Variants in SYNPO2L observed in about 807,000 individuals in gnomAD.
SYNPO2L encodes synaptopodin 2 like, also known as synaptopodin 2-like protein.
SYNPO2L carries 34 observed loss-of-function variants against 47.5 expected under a neutral mutation model. The observed-to-expected ratio is 0.72, with a 90% confidence interval of 0.54 to 0.95. The LOEUF (loss-of-function observed/expected upper bound fraction) is 0.95. SYNPO2L is among the 40% of genes least tolerant of loss of function. The pLI, the probability that SYNPO2L is intolerant of heterozygous loss-of-function variation, is 0.00. For synonymous variants in SYNPO2L, 536 were observed against 524.9 expected, an observed-to-expected ratio of 1.02 and a Z score of -0.29; for missense variants, 1,246 against 1,282.0, an observed-to-expected ratio of 0.97 and a Z score of 0.43.
At position 73,654,004 on chromosome 10, in the gene SYNPO2L, C is replaced by T. The variant is rs548276688; in HGVS notation, c.257+125G>A. The stretch of plus-strand genomic sequence containing the variant: ...AGGCAGACACAAACCATCTGCACTC[C>T]AGCAGAAACGCACGAGCAGAAATAG... On this transcript the variant is annotated intron_variant, in intron 2 of 3. Transcript: ENST00000394810. 10 of 1,283,036 alleles carry T rather than the reference C, an allele frequency of 7.8e-6. No homozygotes were observed. The East Asian group carries it at 2.6e-4, about 33-fold the overall frequency. 79.5% of individuals were successfully genotyped at this position (1,283,036 alleles called of 1,614,324 possible).
In SYNPO2L at chr10:73,644,936, A is replaced by T. The variant is rs905573780; in HGVS notation, c.*1782T>A. ...CACAAACCAAAGTATTGTGACTCAC[A>T]CCCAACAAGCAAAGGAAATTATCAC... On this transcript the variant is annotated 3_prime_UTR_variant, in exon 4 of 4. Transcript: ENST00000394810. 3 of 1,144,354 alleles carry T rather than the reference A, an allele frequency of 2.6e-6. No individual in the cohort carries two copies. Among genetic ancestry groups the T allele is most frequent in the Admixed American group, 4.2e-5 (1 of 23,810 alleles). The allele number at this position is 1,144,354 out of a possible 1,614,324, so 70.9% of individuals were successfully genotyped here.
Position 73,648,896 on chromosome 10 carries a change from G to A in SYNPO2L, c.773-17C>T. ...GTTGCAGTTCTGGGGAGGCCAAGAGGTAAAATGGTCAGGGGGGCTTCCCAG... is the reference window on the plus strand; with the variant it reads ...GTTGCAGTTCTGGGGAGGCCAAGAGATAAAATGGTCAGGGGGGCTTCCCAG... On this transcript the variant is annotated splice_polypyrimidine_tract_variant and intron_variant, in intron 3 of 3. Transcript: ENST00000394810. The A allele has an allele frequency of 6.7e-7, 1 of 1,492,266 alleles. No homozygotes were observed. The highest frequency in any genetic ancestry group is 8.9e-7 in the Non-Finnish European group (1 of 1,126,626). The allele number at this position is 1,492,266 out of a possible 1,614,324, so 92.4% of individuals were successfully genotyped here. A position where few individuals can be genotyped will look rare whatever the true frequency, so the allele number is the denominator to read the frequency against.
chr10:73,646,641 G>T lies in SYNPO2L; in HGVS notation c.*77C>A. ...AATTTAGCTTCCAGATGCGTGACAG[G>T]GGATGGGATAGGGTAGGAGAAGCAA... On this transcript the variant is annotated 3_prime_UTR_variant, in exon 4 of 4. Coordinates refer to ENST00000394810, the MANE Select transcript of SYNPO2L (RefSeq NM_001114133.3). The T allele has an allele frequency of 7.4e-7, 1 of 1,354,356 alleles. No homozygotes were observed. Among genetic ancestry groups the T allele is most frequent in the Non-Finnish European group, 9.6e-7 (1 of 1,046,210 alleles). The allele number at this position is 1,354,356 out of a possible 1,614,324, so 83.9% of individuals were successfully genotyped here. A position where few individuals can be genotyped will look rare whatever the true frequency, so the allele number is the denominator to read the frequency against.
At position 73,653,395 on chromosome 10, in the gene SYNPO2L, A is replaced by AGGTGGGGCACCCGGAGG; in HGVS notation, c.499_515dup (p.Asp173LeufsTer33). 6.4e-7 allele frequency: 1 copy of AGGTGGGGCACCCGGAGG among 1,551,530 alleles called. No homozygotes were observed. The highest frequency in any genetic ancestry group is 2.4e-5 in the East Asian group (1 of 40,910). On this transcript the variant is annotated frameshift_variant, in exon 3 of 4. Coordinates refer to ENST00000394810, the MANE Select transcript of SYNPO2L (RefSeq NM_001114133.3). LOFTEE classifies it high-confidence loss of function. ...GGCTGTCAGACAGGTAGACCTCATC[A>AGGTGGGGCACCCGGAGG]GGTGGGGCACCCGGAGGGGTGGGCC...
chr10:73,646,613 G>A lies in SYNPO2L; in HGVS notation c.*105C>T, dbSNP rs2081752275. ...AACTTGGAAACCATCTCTGGCAGGA[G>A]GCAATTTAGCTTCCAGATGCGTGAC... On this transcript the variant is annotated 3_prime_UTR_variant, in exon 4 of 4. Transcript: ENST00000394810. The A allele has an allele frequency of 3.7e-6, 5 of 1,344,520 alleles. No individual in the cohort carries two copies. The East Asian group carries it at 1.1e-4, about 29-fold the overall frequency. The allele number at this position is 1,344,520 out of a possible 1,614,324, so 83.3% of individuals were successfully genotyped here. A position where few individuals can be genotyped will look rare whatever the true frequency, so the allele number is the denominator to read the frequency against.
At chr10:73,651,099 G>C in intron 3 of SYNPO2L, 1 of 1,437,288 alleles carries the variant, frequency 7.0e-7, no homozygotes. Flanking sequence ...AGAGCTGGCA[G>C]CTGAATGAGC....
At chr10:73,654,573 G>C (rs1270831656) in intron 1 of SYNPO2L, among the ~76,000 whole-genome samples, 1 of 152,216 alleles carries the variant, frequency 6.6e-6, no homozygotes, top group Non-Finnish European at 1.5e-5. Flanking sequence ...GCTGGGTGCA[G>C]TGGCTCACGC....
Position 73,646,356 on chromosome 10 carries a change from T to A in SYNPO2L, c.*362A>T. 2 of 1,011,084 alleles carry A rather than the reference T, an allele frequency of 2.0e-6. No individual in the cohort carries two copies. The highest frequency in any genetic ancestry group is 2.4e-6 in the Non-Finnish European group (2 of 847,938). The allele number at this position is 1,011,084 out of a possible 1,614,324, so 62.6% of individuals were successfully genotyped here. On this transcript the variant is annotated 3_prime_UTR_variant, in exon 4 of 4. Coordinates refer to ENST00000394810, the MANE Select transcript of SYNPO2L (RefSeq NM_001114133.3). ...TGCCTGAAGTCCCAGTGGTCACTTC[T>A]GCTCTGTTTACTTCTCACTGAACAT...
At chr10:73,649,837 G>A in intron 3 of SYNPO2L, 1 of 985,366 alleles carries the variant, frequency 1.0e-6, no homozygotes, top group Non-Finnish European at 1.2e-6. Flanking sequence ...CATCCAAGAT[G>A]CAGGAAAAGT....
In SYNPO2L at chr10:73,647,878, C is replaced by A; in HGVS notation, c.1774G>T (p.Ala592Ser). The change falls in exon 4 of 4, where the codon GCG (alanine) becomes TCG (serine). Residue 592 changes from alanine to serine, a missense_variant. Coordinates refer to ENST00000394810, the MANE Select transcript of SYNPO2L (RefSeq NM_001114133.3). ...CCTGGGGCAGGCGCCTCTGGGCGCG[C>A]AGAGGGTCGCAAAGGCGCAGATAGG... ...IFLSAPLRPS[A>S]RPEAPAPGPG... is the part of the protein sequence containing the mutation. 6.5e-7 allele frequency: 1 copy of A among 1,532,676 alleles called. No individual in the cohort carries two copies. The highest frequency in any genetic ancestry group is 8.7e-7 in the Non-Finnish European group (1 of 1,143,852). 94.9% of individuals were successfully genotyped at this position (1,532,676 alleles called of 1,614,324 possible).
chr10:73,653,588 GA>G lies in SYNPO2L; in HGVS notation c.322del (p.Ser108LeufsTer3), dbSNP rs2081857784. On this transcript the variant is annotated frameshift_variant, in exon 3 of 4. Transcript: ENST00000394810. LOFTEE classifies it high-confidence loss of function. ...ACCAGGGGGCTCAGGACTTAGTGGA[GA>G]TAAGGGTGACAGCACCTGAAGCTCA... ...PHELQVLSPL[S>X]PLSPEPPGAP... is the part of the protein sequence containing the mutation. 6.4e-7 allele frequency: 1 copy of G among 1,551,970 alleles called. No individual in the cohort carries two copies. Among genetic ancestry groups the G allele is most frequent in the Non-Finnish European group, 8.7e-7 (1 of 1,146,954 alleles).
At position 73,648,268 on chromosome 10, in the gene SYNPO2L, T is replaced by C. The variant is rs150182544; in HGVS notation, c.1384A>G (p.Ser462Gly). The change falls in exon 4 of 4, where the codon AGC (serine) becomes GGC (glycine). Residue 462 changes from serine to glycine, a missense_variant. Ser to Gly is a moderately conservative substitution (Grantham distance 56). This residue lies in a region of SYNPO2L where 1,037 missense variants were observed against 1,021.5 expected (regional missense o/e 1.02). Coordinates refer to ENST00000394810, the MANE Select transcript of SYNPO2L (RefSeq NM_001114133.3). ...GGCCTGGCTGACCGGTTAAAGATGC[T>C]TGGAGCTGGGGTCGGGGCTCCACCA... ...PGGGAPTPAPSIFNRSARPFT... is the reference protein window; with the variant it reads ...PGGGAPTPAPGIFNRSARPFT... The C allele has an allele frequency of 3.8e-6, 6 of 1,599,800 alleles. No homozygotes were observed. The highest frequency in any genetic ancestry group is 2.2e-5 in the East Asian group (1 of 44,778).
At chr10:73,654,854 GA>G (rs1047774731) in intron 1 of SYNPO2L, among the ~76,000 whole-genome samples, 2 of 151,270 alleles carry the variant, frequency 1.3e-5, no homozygotes, top group Non-Finnish European at 2.9e-5. Context: ...AAAAAGAAAA[GA>G]AAAAAAACGG....
At chr10:73,653,749 A>G in intron 2 of SYNPO2L, 96 bp from the exon 3 acceptor site, 1 of 1,416,330 alleles carries the variant, frequency 7.1e-7, no homozygotes. Flanking sequence ...GGGGGAGGGA[A>G]GAGGTAAGGG....
chr10:73,647,016 G>A lies in SYNPO2L; in HGVS notation c.2636C>T (p.Pro879Leu). The change falls in exon 4 of 4, where the codon CCC (proline) becomes CTC (leucine). Residue 879 changes from proline (P) to leucine (L), a missense_variant. This residue lies in a region of SYNPO2L where 1,037 missense variants were observed against 1,021.5 expected (regional missense o/e 1.02). Transcript: ENST00000394810. ...AATCTCCTGGACTCGGGCAGTTTTG[G>A]GGGACCCTGAGGCGATAGGGCCAGG... ...PTPGPIASGS[P>L]KTARVQEIRR... 6.2e-7 allele frequency: 1 copy of A among 1,613,628 alleles called. No homozygotes were observed. The highest frequency in any genetic ancestry group is 8.5e-7 in the Non-Finnish European group (1 of 1,179,614).
rs527879529 is a variant in SYNPO2L at position 73,648,265 on chromosome 10, T to G, written c.1387A>C (p.Ile463Leu). 3.8e-6 allele frequency: 6 copies of G among 1,599,372 alleles called. No homozygotes were observed. The South Asian group carries it at 5.5e-5, about 15-fold the overall frequency. The change falls in exon 4 of 4, where the codon ATC becomes CTC. Residue 463 changes from isoleucine (I) to leucine (L), a missense_variant. Ile to Leu is a conservative substitution (Grantham distance 5). Coordinates refer to ENST00000394810, the MANE Select transcript of SYNPO2L (RefSeq NM_001114133.3). ...GGGAPTPAPS[I>L]FNRSARPFTP... is the part of the protein sequence containing the mutation. ...AAGGGCCTGGCTGACCGGTTAAAGA[T>G]GCTTGGAGCTGGGGTCGGGGCTCCA...
Position 73,644,953 on chromosome 10 carries a change from AATT to A in SYNPO2L, c.*1762_*1764del, listed in dbSNP as rs1249732135. 1 of 1,210,076 alleles carries A rather than the reference AATT, an allele frequency of 8.3e-7. No homozygotes were observed. Among genetic ancestry groups the A allele is most frequent in the African/African-American group, 1.7e-5 (1 of 60,416 alleles). The allele number at this position is 1,210,076 out of a possible 1,614,324, so 75.0% of individuals were successfully genotyped here. On this transcript the variant is annotated 3_prime_UTR_variant, in exon 4 of 4. Coordinates refer to ENST00000394810, the MANE Select transcript of SYNPO2L (RefSeq NM_001114133.3). ...TGACTCACACCCAACAAGCAAAGGA[AATT>A]ATCACTTTCCAGATTACACAGCAAA...
At chr10:73,655,153 T>C (rs2081869051) in intron 1 of SYNPO2L, among the ~76,000 whole-genome samples, 1 of 152,216 alleles carries the variant, frequency 6.6e-6, no homozygotes, top group African/African-American at 2.4e-5. Flanking sequence ...ACATGTATTA[T>C]TGCATTTAAT....
chr10:73,653,386 G>A lies in SYNPO2L; in HGVS notation c.525C>T (p.Val175=). Residue 175 remains valine (V), a synonymous_variant, in exon 3 of 4, where the codon GTC becomes GTT. Transcript: ENST00000394810. The part of the protein sequence containing the change: ...PTPPGAPPDE[V]YLSDSPAEPA... ...GCTCTGCAGGGCTGTCAGACAGGTA[G>A]ACCTCATCAGGTGGGGCACCCGGAG... The A allele has an allele frequency of 6.4e-7, 1 of 1,551,586 alleles. No individual in the cohort carries two copies. The highest frequency in any genetic ancestry group is 1.2e-5 in the South Asian group (1 of 84,068).
Sources: allele counts gnomAD v4.1 joint callset (sites outside exome capture counted in the v4.1 genomes callset), GRCh38; gene constraint gnomAD v4.1.1; regional missense constraint gnomAD v4.1.1; transcripts MANE v1.5; gene names NCBI Gene and HGNC (gene_info 2026-07-23, HGNC 2026-07-21).